The following OAT variants were observed in gnomAD, a reference collection of about 807,000 sequenced individuals.
OAT encodes ornithine aminotransferase, also known as ornithine aminotransferase, mitochondrial.
Under a neutral mutation model 48.4 loss-of-function variants are expected in OAT, and 35 were observed. The observed-to-expected ratio is 0.72, with a 90% CI of 0.55 to 0.96. The LOEUF (loss-of-function observed/expected upper bound fraction) is 0.96, where lower values mean the gene tolerates loss of function less well. OAT is among the 40% of genes least tolerant of loss of function. The pLI, the probability that OAT is intolerant of heterozygous loss-of-function variation, is 0.00. For synonymous variants in OAT, 182 were observed against 198.4 expected (o/e 0.92, Z 0.70); for missense variants, 438 against 537.9 (o/e 0.81, Z 1.84).
At chr10:124,411,862 A>T in intron 2 of OAT, 111 bp downstream of exon 2, 1 of 926,216 alleles carries the variant, frequency 1.1e-6, no homozygotes, top group Admixed American at 1.9e-5. Context: ...CATGTCTGCA[A>T]TATACACATT....
chr10:124,406,104 T>C (rs1461870208), intron 4 of OAT: 2 of 985,182 alleles, frequency 2.0e-6, no homozygotes, highest in Non-Finnish European at 2.4e-6. Flanking sequence ...TCCTTTATGA[T>C]GCTAAATGAC....
Position 124,401,816 on chromosome 10 carries a change from A to G in OAT, c.924T>C (p.Asp308=), listed in dbSNP as rs2134453379. ...LYPVSAVLCD[D]DIMLTIKPGE... is the part of the protein sequence containing the mutation. ...CTGGCTTAATGGTCAGCATGATGTC[A>G]TCATCACACAGCACTGCAGACACCT... Residue 308 remains aspartate (D), a synonymous_variant, in exon 8 of 10, where the codon GAT becomes GAC. Transcript: ENST00000368845. 6.2e-7 allele frequency: 1 copy of G among 1,613,108 alleles called. No individual in the cohort carries two copies. Among genetic ancestry groups the G allele is most frequent in the Non-Finnish European group, 8.5e-7 (1 of 1,179,598 alleles).
chr10:124,399,408 C>A (rs1589694769), intron 9 of OAT, among the ~76,000 whole-genome samples: 1 of 140,330 alleles, frequency 7.1e-6, no homozygotes, highest in South Asian at 2.3e-4. Flanking sequence ...TGCAGCGGCG[C>A]AATCTCAGCT....
intron 1 of OAT, chr10:124,414,855 A>T (rs1270806898): frequency 6.6e-6 from 1 of 152,140 alleles, no homozygotes; most frequent in Non-Finnish European, 1.5e-5. Flanking sequence ...GCCAAGGCAG[A>T]TCACTTGAGC....
At chr10:124,399,335 A>ATTTTTTTTT (rs1427092729) in intron 9 of OAT, among the ~76,000 whole-genome samples, 1 of 100,376 alleles carries the variant, frequency 1.0e-5, no homozygotes, top group Non-Finnish European at 2.0e-5. Flanking sequence ...TCCCCAGGTG[A>ATTTTTTTTT]TTCTTTTTTT....
At chr10:124,415,350 C>T (rs140059534) in intron 1 of OAT, among the ~76,000 whole-genome samples, 33 of 152,108 alleles carry the variant, frequency 2.2e-4, no homozygotes, top group African/African-American at 7.7e-4. Context: ...AGGTTGGCCT[C>T]GAACACCTGG....
rs372151002 is a variant in OAT, at chr10:124,412,175, G to C, written c.-4C>G. On this transcript the variant is annotated 5_prime_UTR_variant, in exon 2 of 10. Coordinates refer to ENST00000368845, the MANE Select transcript of OAT (RefSeq NM_000274.4). ...AATGTGCTAGTTTGGAAAACATTGT[G>C]TCCTTCAAGTAGAAAAACCACAGAT... 237 of 1,612,734 alleles carry C rather than the reference G, an allele frequency of 1.5e-4. No homozygotes were observed. The highest frequency in any genetic ancestry group is 4.0e-4 in the Admixed American group (24 of 59,988).
At chr10:124,404,974 G>A (rs1951529684) in intron 5 of OAT, among the ~76,000 whole-genome samples, 2 of 152,224 alleles carry the variant, frequency 1.3e-5, no homozygotes, top group Admixed American at 6.5e-5. Flanking sequence ...AACCCAGGAA[G>A]CGGAGTTTGC....
At chr10:124,407,404 G>C (rs1396539415) in intron 4 of OAT, 1 of 985,176 alleles carries the variant, frequency 1.0e-6, no homozygotes, top group Non-Finnish European at 1.2e-6. Flanking sequence ...TTAAGAAAGA[G>C]ACTGGACACA....
Position 124,411,983 on chromosome 10 carries a change from C to G in OAT, c.189G>C (p.Glu63Asp). 1 of 1,613,800 alleles carries G rather than the reference C, an allele frequency of 6.2e-7. No homozygotes were observed. The change falls in exon 2 of 10, where the codon GAG becomes GAC. Residue 63 changes from glutamate (E) to aspartate (D), a missense_variant. Coordinates refer to ENST00000368845, the MANE Select transcript of OAT (RefSeq NM_000274.4). ...TAATTTGAAACGTACCTTTTCCTCT[C>G]TCCAGGGCTACAGGTAAAGGATGGT... Reference protein sequence around the residue: ...HNYHPLPVALERGKGIYLWDV... With the variant: ...HNYHPLPVALDRGKGIYLWDV...
chr10:124,400,727 G>C (rs1279447454), intron 9 of OAT, 113 bp downstream of exon 9: 1 of 851,628 alleles, frequency 1.2e-6, no homozygotes. Context: ...TGCAGCCTAG[G>C]AGACAGAGCA....
intron 5 of OAT, 91 bp downstream of exon 5, chr10:124,405,345 T>C: frequency 1.3e-6 from 2 of 1,573,978 alleles, no homozygotes; most frequent in Non-Finnish European, 1.7e-6. Flanking sequence ...TAAATTTGCA[T>C]TACTGTCATA....
At chr10:124,413,305 CACACAT>C (rs57947124) in intron 1 of OAT, among the ~76,000 whole-genome samples, 4,489 of 136,470 alleles carry the variant, frequency 0.033, 67 homozygotes, top group Admixed American at 0.054. Context: ...CACACACACA[CACACAT>C]ATATGAGATT....
chr10:124,403,748 A>G (rs1433967506), intron 6 of OAT, 50 bp downstream of exon 6: 3 of 1,613,266 alleles, frequency 1.9e-6, no homozygotes, highest in Admixed American at 3.3e-5. Context: ...GCCTCATCAC[A>G]AACAGCTAAC....
intron 4 of OAT, among the ~76,000 whole-genome samples, chr10:124,408,068 A>C (rs1951633245): frequency 6.6e-6 from 1 of 152,082 alleles, no homozygotes; most frequent in Non-Finnish European, 1.5e-5. Flanking sequence ...CTATGAAAAA[A>C]ATCTGACAGG....
At chr10:124,413,567 C>T (rs1360248056) in intron 1 of OAT, among the ~76,000 whole-genome samples, 1 of 152,102 alleles carries the variant, frequency 6.6e-6, no homozygotes, top group Non-Finnish European at 1.5e-5. Context: ...CCTGTAATCC[C>T]AGCGACTCAG....
At chr10:124,403,728 A>T in intron 6 of OAT, 70 bp downstream of exon 6, 2 of 1,601,924 alleles carry the variant, frequency 1.2e-6, no homozygotes, top group Non-Finnish European at 8.5e-7. Flanking sequence ...GTTGGGGAGG[A>T]GCCCATTCAG....
rs1245622301 is a variant in OAT, at chr10:124,408,340, TATA to T, written c.520+199_520+201del. Among the ~76,000 whole-genome samples, 93 of 101,834 alleles carry T rather than the reference TATA, an allele frequency of 9.1e-4. 1 individual carries two copies. Among genetic ancestry groups the T allele is most frequent in the African/African-American group, 2.8e-3 (81 of 28,928 alleles). 66.8% of individuals were successfully genotyped at this position (101,834 alleles called of 152,430 possible). ...GTGTATATATATATATATATATATA[TATA>T]TTTTTTTTTTTTTTTTTTAAATAGA... On this transcript the variant is annotated intron_variant, in intron 4 of 9. Coordinates refer to ENST00000368845, the MANE Select transcript of OAT (RefSeq NM_000274.4).
chr10:124,410,606 G>A (rs1459780438), intron 2 of OAT, among the ~76,000 whole-genome samples: 1 of 152,226 alleles, frequency 6.6e-6, no homozygotes, highest in South Asian at 2.1e-4. Flanking sequence ...AGGAGTTCAA[G>A]ATCACCCTGG....
Sources: gnomAD v4.1 joint callset for allele counts (sites outside exome capture counted in the v4.1 genomes callset) on GRCh38, gnomAD v4.1.1 for gene constraint, MANE v1.5 for transcripts, NCBI Gene and HGNC (gene_info 2026-07-23, HGNC 2026-07-21) for gene names.